Variants in WASF1 observed in about 807,000 individuals in gnomAD.
WASF1 encodes the protein actin-binding protein WASF1.
A neutral mutation model predicts 50.5 loss-of-function variants in WASF1; 7 were observed. The observed-to-expected ratio is 0.14, with a 90% confidence interval of 0.08 to 0.26. The LOEUF is 0.26. WASF1 is among the 10% of genes least tolerant of loss of function. The pLI is 1.00. For missense variants in WASF1, 470 were observed against 694.7 expected, an observed-to-expected ratio of 0.68 and a Z score of 3.64; for synonymous variants, 205 against 244.0, an observed-to-expected ratio of 0.84 and a Z score of 1.49.
chr6:110,154,287 G>A (rs1275654163), intron 3 of WASF1, among the ~76,000 whole-genome samples: 1 of 151,966 alleles, frequency 6.6e-6, no homozygotes, highest in Non-Finnish European at 1.5e-5. Context: ...CACTCCTAAA[G>A]AACATTCTGA....
intron 3 of WASF1, among the ~76,000 whole-genome samples, chr6:110,140,503 G>T (rs887376581): frequency 7.9e-5 from 12 of 152,180 alleles, no homozygotes; most frequent in African/African-American, 2.9e-4. Flanking sequence ...CTTGCAACTG[G>T]TATCTCAAGA....
At chr6:110,175,496 T>G (rs1488272100) in intron 2 of WASF1, among the ~76,000 whole-genome samples, 1 of 152,142 alleles carries the variant, frequency 6.6e-6, no homozygotes, top group Non-Finnish European at 1.5e-5. Context: ...AAGAGGGACG[T>G]AAGCGGTAAC....
At chr6:110,137,868 G>C (rs1775038105) in intron 3 of WASF1, among the ~76,000 whole-genome samples, 1 of 152,236 alleles carries the variant, frequency 6.6e-6, no homozygotes, top group South Asian at 2.1e-4. Context: ...TTAAAAAGAA[G>C]TTGCAATCCT....
At chr6:110,133,786 T>G (rs564742952) in intron 3 of WASF1, among the ~76,000 whole-genome samples, 8 of 152,312 alleles carry the variant, frequency 5.3e-5, no homozygotes, top group African/African-American at 1.9e-4. Flanking sequence ...CATTGTCAGA[T>G]GTACAGAGTG....
intron 3 of WASF1, among the ~76,000 whole-genome samples, chr6:110,146,859 T>G (rs964126652): frequency 1.3e-5 from 2 of 152,124 alleles, no homozygotes; most frequent in Non-Finnish European, 1.5e-5. Context: ...ACTTTAAAAC[T>G]ACTCACTACT....
chr6:110,174,172 T>G (rs1246102497), intron 2 of WASF1, among the ~76,000 whole-genome samples: 1 of 152,108 alleles, frequency 6.6e-6, no homozygotes, highest in Non-Finnish European at 1.5e-5. Context: ...TTCTTTGAAT[T>G]CTCTTCCTTT....
intron 8 of WASF1, among the ~76,000 whole-genome samples, chr6:110,103,905 C>T (rs1773204835): frequency 6.6e-6 from 1 of 151,830 alleles, no homozygotes; most frequent in African/African-American, 2.4e-5. Context: ...AGCTATCTGC[C>T]TCTATTTAGT....
intron 5 of WASF1, among the ~76,000 whole-genome samples, chr6:110,112,856 C>T (rs981140940): frequency 6.8e-6 from 1 of 147,796 alleles, no homozygotes; most frequent in African/African-American, 2.5e-5. Flanking sequence ...GCCGAGATTG[C>T]GCCACTGCAC....
intron 3 of WASF1, among the ~76,000 whole-genome samples, chr6:110,151,406 G>A (rs894126953): frequency 6.6e-6 from 1 of 152,068 alleles, no homozygotes; most frequent in African/African-American, 2.4e-5. Flanking sequence ...AATATTAAAT[G>A]TATTACTCTT....
intron 4 of WASF1, among the ~76,000 whole-genome samples, chr6:110,119,791 A>G (rs1250350572): frequency 3.9e-5 from 6 of 152,262 alleles, no homozygotes; most frequent in African/African-American, 9.6e-5. Flanking sequence ...AAAATCCTCA[A>G]TAAAATACTG....
intron 3 of WASF1, among the ~76,000 whole-genome samples, chr6:110,129,288 G>T (rs1774554257): frequency 6.6e-6 from 1 of 152,104 alleles, no homozygotes; most frequent in African/African-American, 2.4e-5. Context: ...AACAAAGACA[G>T]AAGTGCAGCA....
At chr6:110,113,206 A>G (rs1363292030) in intron 5 of WASF1, 120 bp downstream of exon 5, 2 of 868,500 alleles carry the variant, frequency 2.3e-6, no homozygotes, top group Non-Finnish European at 3.1e-6. Context: ...TACAATATGT[A>G]CACCAAAGGA....
At chr6:110,131,667 C>T (rs1004433980) in intron 3 of WASF1, among the ~76,000 whole-genome samples, 1 of 152,100 alleles carries the variant, frequency 6.6e-6, no homozygotes, top group Non-Finnish European at 1.5e-5. Flanking sequence ...CAACACCCGG[C>T]TAATTTTGTG....
intron 3 of WASF1, 40 bp from the exon 4 acceptor site, chr6:110,127,669 A>G (rs2114517087): frequency 2.8e-6 from 4 of 1,431,754 alleles, no homozygotes; most frequent in East Asian, 5.1e-5. Flanking sequence ...ATTAAATTTC[A>G]GCCAACACAG....
intron 10 of WASF1, among the ~76,000 whole-genome samples, chr6:110,100,938 C>T (rs1056261160): frequency 2.6e-5 from 4 of 152,246 alleles, no homozygotes; most frequent in African/African-American, 9.6e-5. Context: ...TACCTCCCTG[C>T]TCACCACCCC....
chr6:110,172,901 G>A (rs1776776809), intron 2 of WASF1, among the ~76,000 whole-genome samples: 1 of 152,086 alleles, frequency 6.6e-6, no homozygotes, highest in Non-Finnish European at 1.5e-5. Flanking sequence ...AACTGTACGT[G>A]TACCCTCTAA....
chr6:110,136,008 C>A (rs960343922), intron 3 of WASF1, among the ~76,000 whole-genome samples: 2 of 151,312 alleles, frequency 1.3e-5, no homozygotes, highest in South Asian at 2.1e-4. Flanking sequence ...CTCAGCCTCC[C>A]GAGTAGCTGG....
chr6:110,163,184 T>C (rs539979284), intron 2 of WASF1, among the ~76,000 whole-genome samples: 4 of 151,770 alleles, frequency 2.6e-5, no homozygotes, highest in East Asian at 3.9e-4. Context: ...GTACAAAATC[T>C]ATATGAGAAA....
At chr6:110,140,576 A>G (rs1775181819) in intron 3 of WASF1, among the ~76,000 whole-genome samples, 1 of 152,170 alleles carries the variant, frequency 6.6e-6, no homozygotes, top group Non-Finnish European at 1.5e-5. Flanking sequence ...CCAGGTAGAT[A>G]GTGTCAGAAT....
Sources: gnomAD v4.1 joint callset for allele counts (sites outside exome capture counted in the v4.1 genomes callset) on GRCh38, gnomAD v4.1.1 for gene constraint, MANE v1.5 for transcripts, NCBI Gene and HGNC (gene_info 2026-07-23, HGNC 2026-07-21) for gene names.